The following ATP2C1 variants were observed in gnomAD, a reference collection of about 807,000 sequenced individuals.
ATP2C1 encodes the protein calcium-transporting ATPase type 2C member 1.
In ATP2C1, 31 loss-of-function variants were observed where a neutral mutation model predicts 120.5. That is an observed-to-expected ratio of 0.26 (90% CI 0.19 to 0.35). The LOEUF (loss-of-function observed/expected upper bound fraction) is 0.35, where lower values mean the gene tolerates loss of function less well. Among genes scored for constraint, ATP2C1 ranks in the 10% least tolerant of loss-of-function variants. The probability of loss-of-function intolerance (pLI) is 1.00; values close to 1 mark genes in which losing one functional copy is unlikely to be tolerated. For missense variants in ATP2C1, 731 were observed against 1,107.5 expected, an observed-to-expected ratio of 0.66 and a Z score of 4.83; for synonymous variants, 351 against 358.7, an observed-to-expected ratio of 0.98 and a Z score of 0.24.
At chr3:130,870,308 G>T (rs1008319489) in intron 1 of ATP2C1, among the ~76,000 whole-genome samples, 7 of 152,204 alleles carry the variant, frequency 4.6e-5, no homozygotes, top group African/African-American at 1.7e-4. Context: ...GATCAAGGAA[G>T]AATTTTAACT....
At chr3:131,010,169 C>T (rs2063262707) in intron 26 of ATP2C1, among the ~76,000 whole-genome samples, 2 of 149,110 alleles carry the variant, frequency 1.3e-5, no homozygotes, top group African/African-American at 2.5e-5. Flanking sequence ...GTAATATCTG[C>T]TCTTCATCTT....
intron 1 of ATP2C1, among the ~76,000 whole-genome samples, chr3:130,858,297 A>C (rs1417829489): frequency 6.6e-6 from 1 of 152,142 alleles, no homozygotes; most frequent in Admixed American, 6.5e-5. Context: ...ATTAACCATC[A>C]CACCCCCTGT....
At chr3:130,947,898 A>G (rs2060216969) in intron 8 of ATP2C1, among the ~76,000 whole-genome samples, 1 of 152,052 alleles carries the variant, frequency 6.6e-6, no homozygotes, top group South Asian at 2.1e-4. Flanking sequence ...GAACATCCTA[A>G]TCTTATAACA....
chr3:131,015,489 C>A (rs1478308957), intron 26 of ATP2C1, among the ~76,000 whole-genome samples: 1 of 152,308 alleles, frequency 6.6e-6, no homozygotes, highest in East Asian at 1.9e-4. Context: ...ACTCCACAGA[C>A]AAACATTATA....
chr3:130,972,752 A>G (rs957741189), intron 17 of ATP2C1, among the ~76,000 whole-genome samples: 5 of 151,536 alleles, frequency 3.3e-5, no homozygotes, highest in Admixed American at 6.6e-5. Context: ...ACTGAGAATG[A>G]TGATTTCCAG....
At chr3:131,000,415 A>C (rs572285724) in intron 27 of ATP2C1, among the ~76,000 whole-genome samples, 1 of 152,326 alleles carries the variant, frequency 6.6e-6, no homozygotes, top group Non-Finnish European at 1.5e-5. Context: ...TTAAGGAAAC[A>C]TCTGCAATTT....
chr3:130,991,981 A>G (rs900692420), intron 20 of ATP2C1, among the ~76,000 whole-genome samples: 1 of 152,226 alleles, frequency 6.6e-6, no homozygotes, highest in Admixed American at 6.5e-5. Context: ...AGGAAAGAGA[A>G]TGGTGTATTA....
chr3:130,968,279 T>C (rs1273121694), intron 16 of ATP2C1, among the ~76,000 whole-genome samples: 3 of 152,236 alleles, frequency 2.0e-5, no homozygotes, highest in African/African-American at 7.2e-5. Context: ...GTTATGCTTA[T>C]AAAGATATTA....
At chr3:130,996,202 C>A in intron 23 of ATP2C1, 91 bp downstream of exon 23, 1 of 957,932 alleles carries the variant, frequency 1.0e-6, no homozygotes, top group Non-Finnish European at 1.7e-6. Context: ...ACTTCTCTGC[C>A]TTATATTTGT....
At position 130,894,175 on chromosome 3, in the gene ATP2C1, T is replaced by G; in HGVS notation, c.-343T>G. 4 of 217,396 alleles carry G rather than the reference T, an allele frequency of 1.8e-5. No individual in the cohort carries two copies. The highest frequency in any genetic ancestry group is 2.8e-4 in the East Asian group (1 of 3,600). The allele number at this position is 217,396 out of a possible 1,614,324, so 13.5% of individuals were successfully genotyped here. On this transcript the variant is annotated 5_prime_UTR_variant, in exon 1 of 28. Coordinates refer to ENST00000510168, the MANE Select transcript of ATP2C1 (RefSeq NM_001378687.1). The surrounding 1 kb of genome is among the most constrained non-coding windows in gnomAD (Gnocchi z 4.5). ...CCCCTCCCCGCCCGCCCTCTCTCCC[T>G]CCCTTCCTCCCTCCCGCTCGCTTCT...
At chr3:130,964,500 T>C (rs1344987526) in intron 13 of ATP2C1, among the ~76,000 whole-genome samples, 1 of 152,110 alleles carries the variant, frequency 6.6e-6, no homozygotes, top group Non-Finnish European at 1.5e-5. Flanking sequence ...AACAAAACTT[T>C]ATGTGCAATA....
intron 2 of ATP2C1, among the ~76,000 whole-genome samples, chr3:130,900,818 G>T (rs1172252884): frequency 6.6e-6 from 1 of 152,110 alleles, no homozygotes; most frequent in African/African-American, 2.4e-5. Flanking sequence ...TTCATTTGTA[G>T]TATAAATAAA....
At chr3:130,956,860 G>T (rs2060603345) in intron 11 of ATP2C1, among the ~76,000 whole-genome samples, 1 of 152,022 alleles carries the variant, frequency 6.6e-6, no homozygotes, top group South Asian at 2.1e-4. Context: ...TTCATTTTAT[G>T]ACCTGCCAAC....
At chr3:130,977,666 C>T (rs896097114) in intron 18 of ATP2C1, among the ~76,000 whole-genome samples, 62 of 152,102 alleles carry the variant, frequency 4.1e-4, no homozygotes, top group African/African-American at 1.4e-3. Flanking sequence ...TGTACTGTAA[C>T]ATTATGAAGT....
chr3:130,950,427 A>G (rs770930791), intron 8 of ATP2C1, among the ~76,000 whole-genome samples: 43 of 152,134 alleles, frequency 2.8e-4, no homozygotes, highest in Non-Finnish European at 5.7e-4. Flanking sequence ...CATGAATGCA[A>G]TGAATAATGA....
chr3:130,886,872 C>T (rs2107845061), intron 1 of ATP2C1, among the ~76,000 whole-genome samples: 1 of 152,254 alleles, frequency 6.6e-6, no homozygotes, highest in East Asian at 1.9e-4. Context: ...TTAGTGAGGT[C>T]ATGTTTTCCT....
upstream of ATP2C1, among the ~76,000 whole-genome samples, chr3:130,892,599 A>G (rs1576606586): frequency 2.0e-5 from 3 of 151,246 alleles, no homozygotes. Flanking sequence ...AGTACCACTT[A>G]CTTGGGAACA....
chr3:130,861,276 T>C (rs191285731), intron 1 of ATP2C1, among the ~76,000 whole-genome samples: 1 of 152,192 alleles, frequency 6.6e-6, no homozygotes, highest in Admixed American at 6.5e-5. Context: ...CTCAAAAGTC[T>C]GTATCAGGGT....
In ATP2C1 at chr3:130,932,422, G is replaced by T. The variant is rs1277722221; in HGVS notation, c.234+284G>T. ...GATATCAAACCTACACTATTTAAAT[G>T]ATAGGACTGGCAATATTTTTTAAGG... is the stretch of plus-strand genomic sequence containing the variant. On this transcript the variant is annotated intron_variant, in intron 4 of 27. Coordinates refer to ENST00000510168, the MANE Select transcript of ATP2C1 (RefSeq NM_001378687.1). Among the ~76,000 whole-genome samples, 4 of 152,012 alleles carry T rather than the reference G, an allele frequency of 2.6e-5. No individual in the cohort carries two copies. In the East Asian group the frequency reaches 7.7e-4, roughly 29 times the overall value.
Sources: gnomAD v4.1 joint callset for allele counts (sites outside exome capture counted in the v4.1 genomes callset) on GRCh38, gnomAD v4.1.1 for gene constraint, Gnocchi (gnomAD v3.1) non-coding constraint, MANE v1.5 for transcripts, NCBI Gene and HGNC (gene_info 2026-07-23, HGNC 2026-07-21) for gene names.